MRPS31: variants seen among roughly 807,000 people sequenced by gnomAD.
MRPS31 encodes the protein mitochondrial ribosomal protein S31.
MRPS31 carries 32 observed loss-of-function variants against 43.1 expected under a neutral mutation model. The observed-to-expected ratio is 0.74, with a 90% CI of 0.56 to 1.00. MRPS31 has a LOEUF of 1.00. Ranked by LOEUF, MRPS31 falls within the 50% of genes least tolerant of loss-of-function variation. MRPS31 has a pLI of 0.00. For missense variants in MRPS31, 437 were observed against 466.7 expected (o/e 0.94, Z 0.59); for synonymous variants, 165 against 161.6 (o/e 1.02, Z -0.16).
intron 5 of MRPS31, 134 bp from the exon 6 acceptor site, chr13:40,749,415 T>G: frequency 1.7e-6 from 1 of 572,790 alleles, no homozygotes. Flanking sequence ...TAATAAAAAG[T>G]TACTGAGAGA....
chr13:40,747,029 C>T (rs1418381272), intron 6 of MRPS31, among the ~76,000 whole-genome samples: 2 of 152,166 alleles, frequency 1.3e-5, no homozygotes, highest in African/African-American at 4.8e-5. Context: ...TTCACCGACT[C>T]TCCTGAATAA....
Position 40,766,792 on chromosome 13 carries a change from T to C in MRPS31, c.394A>G (p.Thr132Ala), listed in dbSNP as rs17851966. The C allele has an allele frequency of 1.2e-6, 2 of 1,613,596 alleles. No homozygotes were observed. The highest frequency in any genetic ancestry group is 2.2e-5 in the South Asian group (2 of 90,938). ...GTAGCTCTTCGAAGCCTGCCAAGTG[T>C]AGCTTCCAAACTTTTAAGTGGTCTT... ...KRRPLKSLEA[T>A]LGRLRRATEY... Residue 132 changes from threonine (T) to alanine (A), a missense_variant, in exon 2 of 7, where the codon ACA (threonine) becomes GCA (alanine). Thr to Ala is a moderately conservative substitution (Grantham distance 58). Transcript: ENST00000323563.
chr13:40,759,112 AAAG>A lies in MRPS31; in HGVS notation c.441-9_441-7del, dbSNP rs751143391. On this transcript the variant is annotated splice_region_variant and splice_polypyrimidine_tract_variant and intron_variant, in intron 2 of 6. Coordinates refer to ENST00000323563, the MANE Select transcript of MRPS31 (RefSeq NM_005830.4). ...CAGGACTCAGGGGCTCAATTCTGAAAAAGAAAATGAAAAACAAATGAGAAAGAA... is the reference window on the plus strand; with the variant it reads ...CAGGACTCAGGGGCTCAATTCTGAAAAAAATGAAAAACAAATGAGAAAGAA... 3.9e-5 allele frequency: 61 copies of A among 1,566,032 alleles called. No individual in the cohort carries two copies. Among genetic ancestry groups the A allele is most frequent in the Non-Finnish European group, 1.2e-5 (14 of 1,160,512 alleles).
chr13:40,752,450 G>A (rs1880417473), intron 5 of MRPS31: 1 of 152,096 alleles, frequency 6.6e-6, no homozygotes, highest in Non-Finnish European at 1.5e-5. Context: ...ATAAGAAGGG[G>A]GTTGTTCTTT....
intron 6 of MRPS31, among the ~76,000 whole-genome samples, chr13:40,739,775 T>C (rs1357957403): frequency 3.3e-5 from 5 of 151,144 alleles, no homozygotes; most frequent in African/African-American, 1.2e-4. Context: ...TTACACCTTA[T>C]ACAAAAATCA....
intron 6 of MRPS31, among the ~76,000 whole-genome samples, chr13:40,735,171 C>T (rs1225595084): frequency 7.9e-5 from 12 of 152,170 alleles, no homozygotes; most frequent in East Asian, 5.8e-4. Context: ...AAAGGGGTGA[C>T]GGACGGCACC....
At chr13:40,732,595 G>A (rs1248315155) in intron 6 of MRPS31, among the ~76,000 whole-genome samples, 1 of 152,114 alleles carries the variant, frequency 6.6e-6, no homozygotes, top group African/African-American at 2.4e-5. Context: ...TTAGCCAGGT[G>A]TGGTGGTGTG....
At chr13:40,769,143 G>A (rs541962763) in intron 1 of MRPS31, among the ~76,000 whole-genome samples, 2 of 151,752 alleles carry the variant, frequency 1.3e-5, no homozygotes, top group African/African-American at 2.4e-5. Flanking sequence ...TTTGGGAGGC[G>A]GAGGTGGGCG....
chr13:40,735,074 G>A (rs1027734681), intron 6 of MRPS31, among the ~76,000 whole-genome samples: 14 of 152,242 alleles, frequency 9.2e-5, no homozygotes, highest in Non-Finnish European at 1.5e-4. Context: ...CAGTGGGTGC[G>A]CGCACCTTGC....
At chr13:40,767,162 C>CTTT in intron 1 of MRPS31, 129 bp from the exon 2 acceptor site, 6 of 582,326 alleles carry the variant, frequency 1.0e-5, no homozygotes, top group Non-Finnish European at 1.6e-5. Flanking sequence ...CTTTCCGTTG[C>CTTT]TTTTTTTTTT....
intron 6 of MRPS31, 136 bp downstream of exon 6, chr13:40,749,002 G>A: frequency 1.3e-6 from 1 of 789,424 alleles, no homozygotes; most frequent in Non-Finnish European, 1.9e-6. Context: ...AACCTTGTCA[G>A]ATTTATTTTA....
At position 40,749,228 on chromosome 13, in the gene MRPS31, T is replaced by G. The variant is rs1407552989; in HGVS notation, c.868A>C (p.Asn290His). The G allele has an allele frequency of 1.9e-6, 3 of 1,600,150 alleles. No individual in the cohort carries two copies. The highest frequency in any genetic ancestry group is 2.5e-6 in the Non-Finnish European group (3 of 1,176,838). The change falls in exon 6 of 7, where the codon AAT becomes CAT. Residue 290 changes from asparagine (N) to histidine (H), a missense_variant. Coordinates refer to ENST00000323563, the MANE Select transcript of MRPS31 (RefSeq NM_005830.4). ...AATCCATTCTGAAGGGGTTGTTCAT[T>G]TACTGTGGCTAACTGCTTAGCAAAT... ...VEFAKQLATVNEQPLQNGFEE... is the reference protein window; with the variant it reads ...VEFAKQLATVHEQPLQNGFEE...
intron 6 of MRPS31, 103 bp downstream of exon 6, chr13:40,749,035 A>T: frequency 8.5e-7 from 1 of 1,178,192 alleles, no homozygotes. Flanking sequence ...GATATCCACA[A>T]AAGGTTTTGA....
intron 6 of MRPS31, among the ~76,000 whole-genome samples, chr13:40,736,627 GA>G (rs1879917783): frequency 6.6e-6 from 1 of 150,770 alleles, no homozygotes; most frequent in Admixed American, 6.6e-5. Flanking sequence ...GACCAATATT[GA>G]ACATTCTTAA....
At chr13:40,754,962 AAGC>A (rs1241496386) in intron 4 of MRPS31, among the ~76,000 whole-genome samples, 1 of 152,258 alleles carries the variant, frequency 6.6e-6, no homozygotes, top group East Asian at 1.9e-4. Context: ...TGAACCCAGG[AAGC>A]AGAAGTTGCA....
chr13:40,744,236 C>T (rs769790181), intron 6 of MRPS31, among the ~76,000 whole-genome samples: 34 of 152,118 alleles, frequency 2.2e-4, no homozygotes, highest in East Asian at 1.9e-4. Flanking sequence ...GATTGGGAAA[C>T]CACCTATCAG....
intron 6 of MRPS31, among the ~76,000 whole-genome samples, chr13:40,747,023 C>A (rs961415287): frequency 2.6e-5 from 4 of 152,274 alleles, no homozygotes; most frequent in South Asian, 2.1e-4. Flanking sequence ...CTATGCTTCA[C>A]CGACTCTCCT....
At chr13:40,757,440 CTTTTTT>C (rs11291870) in intron 3 of MRPS31, among the ~76,000 whole-genome samples, 1 of 96,932 alleles carries the variant, frequency 1.0e-5, no homozygotes, top group Non-Finnish European at 1.9e-5. Context: ...CTATGTCTTC[CTTTTTT>C]TTTTTTTTTT....
intron 6 of MRPS31, among the ~76,000 whole-genome samples, chr13:40,743,254 A>G (rs1486237457): frequency 6.6e-6 from 1 of 151,844 alleles, no homozygotes; most frequent in Non-Finnish European, 1.5e-5. Flanking sequence ...AGCAGAGGTT[A>G]CAGTGAGCTG....
Sources: gnomAD v4.1 joint callset for allele counts (sites outside exome capture counted in the v4.1 genomes callset) on GRCh38, gnomAD v4.1.1 for gene constraint, MANE v1.5 for transcripts, NCBI Gene and HGNC (gene_info 2026-07-23, HGNC 2026-07-21) for gene names.